Variants in TCP1 observed in about 807,000 individuals in gnomAD.
TCP1 encodes the protein T-complex protein 1 subunit alpha.
In TCP1, 6 loss-of-function variants were observed where a neutral mutation model predicts 54.7. The ratio of observed to expected loss-of-function variants is 0.11; its 90% CI spans 0.06 to 0.22. The LOEUF is 0.22. TCP1 is among the 10% of genes least tolerant of loss of function. The probability of loss-of-function intolerance (pLI) is 1.00; values close to 1 mark genes in which losing one functional copy is unlikely to be tolerated. For synonymous variants in TCP1, 225 were observed against 229.7 expected (o/e 0.98, Z 0.19); for missense variants, 511 against 678.2 (o/e 0.75, Z 2.74).
intron 5 of TCP1, 132 bp from the exon 6 acceptor site, chr6:159,784,979 C>A: frequency 2.4e-6 from 2 of 823,218 alleles, no homozygotes; most frequent in Non-Finnish European, 4.0e-6. Context: ...TACTTGTCAC[C>A]AAAATGTTAC....
chr6:159,782,064 TA>T (rs1780590639), intron 7 of TCP1, among the ~76,000 whole-genome samples: 1 of 152,094 alleles, frequency 6.6e-6, no homozygotes. Context: ...TGGAGTAAAA[TA>T]AATAACAAGA....
chr6:159,784,168 T>C, intron 6 of TCP1, 101 bp from the exon 7 acceptor site: 1 of 1,388,766 alleles, frequency 7.2e-7, no homozygotes, highest in Non-Finnish European at 9.5e-7. Context: ...TTAGACTAAT[T>C]CATTGCATTT....
At chr6:159,789,063 C>A (rs1010949952) in intron 1 of TCP1, 9 of 323,650 alleles carry the variant, frequency 2.8e-5, no homozygotes, top group Non-Finnish European at 5.2e-5. Flanking sequence ...CTCAGGGGGT[C>A]GCCCTGAAAC....
intron 2 of TCP1, 78 bp downstream of exon 2, chr6:159,787,980 A>T (rs1190475740): frequency 6.2e-7 from 1 of 1,606,214 alleles, no homozygotes; most frequent in Non-Finnish European, 8.5e-7. Context: ...ATTCTGATAA[A>T]GTCAAAGAAA....
rs769821079 is a variant in TCP1, at chr6:159,779,303, C to T, written c.1455-42G>A. The T allele has an allele frequency of 4.6e-6, 7 of 1,526,698 alleles. No individual in the cohort carries two copies. In the South Asian group the frequency reaches 6.8e-5, roughly 15 times the overall value. The allele number at this position is 1,526,698 out of a possible 1,614,324, so 94.6% of individuals were successfully genotyped here. A position where few individuals can be genotyped will look rare whatever the true frequency, so the allele number is the denominator to read the frequency against. On this transcript the variant is annotated intron_variant, in intron 11 of 11. Coordinates refer to ENST00000321394, the MANE Select transcript of TCP1 (RefSeq NM_030752.3). The stretch of plus-strand genomic sequence containing the variant: ...ATTATTTAACGGCCGCTTACAATTT[C>T]ATTAGGTGGCCTATTAACTCCAGCA...
chr6:159,779,823 A>G, intron 10 of TCP1, 33 bp from the exon 11 acceptor site: 2 of 1,587,438 alleles, frequency 1.3e-6, no homozygotes, highest in South Asian at 2.3e-5. Flanking sequence ...TGACTTCACA[A>G]AAGGGAAAAA....
chr6:159,787,395 G>A (rs1780725302), intron 3 of TCP1, among the ~76,000 whole-genome samples: 1 of 152,186 alleles, frequency 6.6e-6, no homozygotes, highest in African/African-American at 2.4e-5. Context: ...AAATCTGTGT[G>A]ATGTCTGAAT....
At chr6:159,789,361 C>A in intron 1 of TCP1, 44 bp downstream of exon 1, 1 of 1,610,146 alleles carries the variant, frequency 6.2e-7, no homozygotes, top group East Asian at 2.2e-5. Context: ...TGGGACTCGG[C>A]CCTCCCCGGC....
rs770127722 is a variant in TCP1 at position 159,783,379 on chromosome 6, A to ATTTT, written c.797+558_797+561dup. ...TGTAGGTCTAACTACTGTTTAAACT[A>ATTTT]TTTTTTTTTTTTTTTTTTTTGAGAC... On this transcript the variant is annotated intron_variant, in intron 7 of 11. Coordinates refer to ENST00000321394, the MANE Select transcript of TCP1 (RefSeq NM_030752.3). 7.1e-3 allele frequency among the ~76,000 whole-genome samples: 839 copies of ATTTT among 118,740 alleles called. 32 individuals are homozygous for ATTTT. Among genetic ancestry groups the ATTTT allele is most frequent in the African/African-American group, 0.013 (414 of 30,738 alleles). 77.9% of individuals were successfully genotyped at this position (118,740 alleles called of 152,430 possible). A position where few individuals can be genotyped will look rare whatever the true frequency, so the allele number is the denominator to read the frequency against.
In TCP1 at chr6:159,789,443, C is replaced by G; in HGVS notation, c.26G>C (p.Gly9Ala). The change falls in exon 1 of 12, where the codon GGT becomes GCT. Residue 9 changes from glycine to alanine, a missense_variant. Gly to Ala is a moderately conservative substitution (Grantham distance 60). This residue lies in a region of TCP1 where 35 missense variants were observed against 32.7 expected (regional missense o/e 1.07). Transcript: ENST00000321394. The stretch of plus-strand genomic sequence containing the variant: ...GATCGTTTCCCCAGTGCTGCGGTCA[C>G]CGAACACGGACAAAGGCCCCTCCAT... MEGPLSVF[G>A]DRSTGETIRS... 1 of 1,613,902 alleles carries G rather than the reference C, an allele frequency of 6.2e-7. No homozygotes were observed. Among genetic ancestry groups the G allele is most frequent in the South Asian group, 1.1e-5 (1 of 91,088 alleles).
In TCP1 at chr6:159,789,524, C is replaced by A; in HGVS notation, c.-56G>T. The A allele has an allele frequency of 6.2e-7, 1 of 1,603,842 alleles. No individual in the cohort carries two copies. The highest frequency in any genetic ancestry group is 8.5e-7 in the Non-Finnish European group (1 of 1,173,086). ...CTTACACCGCGGGCAACCAGTATCG[C>A]GGCCCCTCGGCCGACCGGCGACCAC... On this transcript the variant is annotated 5_prime_UTR_variant, in exon 1 of 12. Coordinates refer to ENST00000321394, the MANE Select transcript of TCP1 (RefSeq NM_030752.3).
At chr6:159,780,203 C>A in intron 9 of TCP1, 116 bp from the exon 10 acceptor site, 12 of 1,330,064 alleles carry the variant, frequency 9.0e-6, no homozygotes, top group Non-Finnish European at 1.3e-5. Flanking sequence ...ACATAAAGTT[C>A]CCTTAAGTCC....
In TCP1 at chr6:159,780,459, G is replaced by A; in HGVS notation, c.1081C>T (p.Leu361=). 6.2e-7 allele frequency: 1 copy of A among 1,613,984 alleles called. No individual in the cohort carries two copies. The highest frequency in any genetic ancestry group is 8.5e-7 in the Non-Finnish European group (1 of 1,179,952). The change falls in exon 9 of 12, where the codon CTG becomes TTG. Residue 361 remains leucine, a synonymous_variant. Coordinates refer to ENST00000321394, the MANE Select transcript of TCP1 (RefSeq NM_030752.3). ...GGCTCTTACTTTTTGATTAAGATCA[G>A]CTCATCATCACAAATTCTCTCCTGT... ...VVQERICDDE[L]ILIKNTKART...
chr6:159,788,228 A>T, intron 1 of TCP1, 85 bp from the exon 2 acceptor site: 1 of 1,253,336 alleles, frequency 8.0e-7, no homozygotes, highest in Admixed American at 1.8e-5. Context: ...AAGGTAAATG[A>T]CATCCAACAG....
rs920304425 is a variant in TCP1 at position 159,778,934 on chromosome 6, A to G, written c.*111T>C. On this transcript the variant is annotated 3_prime_UTR_variant, in exon 12 of 12. Coordinates refer to ENST00000321394, the MANE Select transcript of TCP1 (RefSeq NM_030752.3). ...AAAGTACAGATGGAAACCATTTCCT[A>G]CATCACAAAAACCCAAGTTTACAGC... The G allele has an allele frequency of 3.0e-5, 47 of 1,564,354 alleles. No homozygotes were observed. The highest frequency in any genetic ancestry group is 3.7e-5 in the Non-Finnish European group (43 of 1,150,424).
intron 2 of TCP1, 61 bp downstream of exon 2, chr6:159,787,997 A>G: frequency 3.1e-6 from 5 of 1,609,028 alleles, no homozygotes; most frequent in Non-Finnish European, 3.4e-6. Flanking sequence ...GAAAGAACAT[A>G]GCAAAACACT....
Position 159,780,100 on chromosome 6 carries a change from A to G in TCP1, c.1098-13T>C, listed in dbSNP as rs539212418. 34 of 1,596,400 alleles carry G rather than the reference A, an allele frequency of 2.1e-5. No individual in the cohort carries two copies. Among genetic ancestry groups the G allele is most frequent in the South Asian group, 4.6e-5 (4 of 87,672 alleles). On this transcript the variant is annotated splice_polypyrimidine_tract_variant and intron_variant, in intron 9 of 11. Transcript: ENST00000321394. ...ACGAGCCTTAGTACTGTTCAAAACA[A>G]AAGTACAATTCTTGTAATAGCATTT...
At chr6:159,780,610 T>C (rs1401076667) in intron 8 of TCP1, 44 bp from the exon 9 acceptor site, 3 of 1,593,978 alleles carry the variant, frequency 1.9e-6, no homozygotes, top group Non-Finnish European at 2.6e-6. Flanking sequence ...TGCTCTTTCA[T>C]GATTTTAATA....
At chr6:159,784,346 C>T (rs1351066281) in intron 6 of TCP1, among the ~76,000 whole-genome samples, 2 of 151,546 alleles carry the variant, frequency 1.3e-5, no homozygotes, top group Non-Finnish European at 2.9e-5. Flanking sequence ...ACTCTGTAGC[C>T]CAGGCTGGAG....
Sources: allele counts gnomAD v4.1 joint callset (sites outside exome capture counted in the v4.1 genomes callset), GRCh38; gene constraint gnomAD v4.1.1; regional missense constraint gnomAD v4.1.1; transcripts MANE v1.5; gene names NCBI Gene and HGNC (gene_info 2026-07-23, HGNC 2026-07-21).